The following ATP8A2 variants were observed in gnomAD, a reference collection of about 807,000 sequenced individuals.
The protein encoded by ATP8A2 is ATPase phospholipid transporting 8A2.
In ATP8A2, 100 loss-of-function variants were observed where a neutral mutation model predicts 165.6. The observed-to-expected ratio is 0.60, with a 90% CI of 0.51 to 0.71. ATP8A2 has a LOEUF of 0.71. Among genes scored for constraint, ATP8A2 ranks in the 30% least tolerant of loss-of-function variants. The probability of loss-of-function intolerance (pLI) is 0.00; values close to 1 mark genes in which losing one functional copy is unlikely to be tolerated. For synonymous variants in ATP8A2, 543 were observed against 548.8 expected, an observed-to-expected ratio of 0.99 and a Z score of 0.15; for missense variants, 1,227 against 1,479.5, an observed-to-expected ratio of 0.83 and a Z score of 2.80.
At chr13:25,534,794 A>T (rs1030061834) in intron 6 of ATP8A2, among the ~76,000 whole-genome samples, 1 of 152,216 alleles carries the variant, frequency 6.6e-6, no homozygotes, top group Non-Finnish European at 1.5e-5. Flanking sequence ...TTCAAACTTC[A>T]GTGGGCATCC....
chr13:25,722,551 C>A (rs1054292159), intron 25 of ATP8A2, among the ~76,000 whole-genome samples: 3 of 152,308 alleles, frequency 2.0e-5, no homozygotes, highest in Middle Eastern at 3.4e-3. Context: ...TTTGACACTT[C>A]TCTTTCTTGA....
intron 24 of ATP8A2, among the ~76,000 whole-genome samples, chr13:25,668,529 G>T (rs907956655): frequency 2.0e-5 from 3 of 151,948 alleles, no homozygotes; most frequent in Admixed American, 1.3e-4. Flanking sequence ...TATCCTACTT[G>T]GAGTTTGTTG....
chr13:25,806,161 A>G (rs990760211), intron 27 of ATP8A2, among the ~76,000 whole-genome samples: 3 of 152,146 alleles, frequency 2.0e-5, no homozygotes, highest in Non-Finnish European at 4.4e-5. Flanking sequence ...TCACAGGGGT[A>G]AGTTGAGGAG....
At chr13:25,402,924 T>G (rs145645884) in intron 1 of ATP8A2, among the ~76,000 whole-genome samples, 128 of 152,320 alleles carry the variant, frequency 8.4e-4, no homozygotes, top group Non-Finnish European at 1.7e-3. Context: ...ATGAGGTCCC[T>G]GTGTCTGCTT....
chr13:25,600,582 C>T (rs761430876), intron 24 of ATP8A2, among the ~76,000 whole-genome samples: 10 of 152,158 alleles, frequency 6.6e-5, no homozygotes, highest in South Asian at 2.1e-4. Flanking sequence ...GCTTTGTTCC[C>T]GGAGTCAGAG....
chr13:25,646,928 T>C (rs78645612), intron 24 of ATP8A2, among the ~76,000 whole-genome samples: 5,242 of 152,266 alleles, frequency 0.034, 156 homozygotes, highest in East Asian at 0.13. Flanking sequence ...TACTATAAGG[T>C]TCACATGGAG....
chr13:25,722,319 A>C (rs532287726), intron 25 of ATP8A2, among the ~76,000 whole-genome samples: 1 of 152,240 alleles, frequency 6.6e-6, no homozygotes, highest in African/African-American at 2.4e-5. Context: ...CTTCATCAAT[A>C]GATTGCTACC....
At chr13:25,813,382 TATATGATATG>T (rs57194469) in intron 27 of ATP8A2, among the ~76,000 whole-genome samples, 3,945 of 147,206 alleles carry the variant, frequency 0.027, 175 homozygotes, top group African/African-American at 0.086. Context: ...AGGATGATGA[TATATGATATG>T]ATATGATATG....
At chr13:25,864,365 T>A (rs1373296783) in intron 33 of ATP8A2, among the ~76,000 whole-genome samples, 1 of 152,178 alleles carries the variant, frequency 6.6e-6, no homozygotes, top group African/African-American at 2.4e-5. Context: ...ACTCCAAATG[T>A]GCGTGAATTA....
intron 1 of ATP8A2, among the ~76,000 whole-genome samples, chr13:25,450,474 T>C (rs1265873685): frequency 1.3e-5 from 2 of 152,154 alleles, no homozygotes; most frequent in African/African-American, 4.8e-5. Flanking sequence ...CTCCACAACT[T>C]CGCAAGGATC....
At chr13:25,501,638 A>G (rs773721869) in intron 2 of ATP8A2, among the ~76,000 whole-genome samples, 27 of 152,184 alleles carry the variant, frequency 1.8e-4, no homozygotes, top group Admixed American at 5.9e-4. Flanking sequence ...AAATAAGAAA[A>G]CATAGTTATT....
chr13:25,411,672 A>C (rs2077809908), intron 1 of ATP8A2, among the ~76,000 whole-genome samples: 2 of 152,202 alleles, frequency 1.3e-5, no homozygotes, highest in South Asian at 4.1e-4. Context: ...ATTTTATGTT[A>C]AAAAGTGCAT....
In ATP8A2 at chr13:25,759,630, C is replaced by T. The variant is rs141026209; in HGVS notation, c.2385-9416C>T. 1.4e-3 allele frequency among the ~76,000 whole-genome samples: 214 copies of T among 152,270 alleles called. 1 individual carries two copies. The highest frequency in any genetic ancestry group is 4.9e-3 in the African/African-American group (203 of 41,544). ...AAATTAATGCTTTTTGTGCTAAAAACATTAAGGTATTTAGATGTGTTATTC... is the reference window on the plus strand; with the variant it reads ...AAATTAATGCTTTTTGTGCTAAAAATATTAAGGTATTTAGATGTGTTATTC... On this transcript the variant is annotated intron_variant, in intron 25 of 36. Transcript: ENST00000381655.
In ATP8A2 at chr13:25,828,100, A is replaced by G. The variant is rs1464514720; in HGVS notation, c.2680-18A>G. 1.9e-6 allele frequency: 3 copies of G among 1,607,610 alleles called. No homozygotes were observed. The South Asian group carries it at 3.3e-5, about 18-fold the overall frequency. On this transcript the variant is annotated intron_variant, in intron 27 of 36. Coordinates refer to ENST00000381655, the MANE Select transcript of ATP8A2 (RefSeq NM_016529.6). Reference sequence around the variant, plus strand: ...GTCAATATTGATATAAAACTTCATGAGCTTTCTTCTCTTTCAGCTTTGGTT... The same window carrying G: ...GTCAATATTGATATAAAACTTCATGGGCTTTCTTCTCTTTCAGCTTTGGTT...
In ATP8A2 at chr13:25,700,195, A is replaced by G. The variant is rs115675196; in HGVS notation, c.2384+850A>G. On this transcript the variant is annotated intron_variant, in intron 25 of 36. Transcript: ENST00000381655. ...GGACCTGGTGCAGGGAGCAATGGCC[A>G]GAGCACCTTGAAATACACTGCTTCT... Among the ~76,000 whole-genome samples, 882 of 152,272 alleles carry G rather than the reference A, an allele frequency of 5.8e-3. 7 individuals carry two copies. Among genetic ancestry groups the G allele is most frequent in the African/African-American group, 0.02 (846 of 41,542 alleles).
intron 1 of ATP8A2, among the ~76,000 whole-genome samples, chr13:25,390,321 G>T (rs907986331): frequency 1.3e-5 from 2 of 152,174 alleles, no homozygotes; most frequent in Admixed American, 1.3e-4. Context: ...AAAAGTCAAG[G>T]TTATTAAGAT....
chr13:25,974,807 G>C (rs923187069), intron 35 of ATP8A2, among the ~76,000 whole-genome samples: 5 of 152,060 alleles, frequency 3.3e-5, no homozygotes, highest in Admixed American at 1.3e-4. Flanking sequence ...CCAGGTCTCG[G>C]CGTCTTCCCA....
intron 35 of ATP8A2, among the ~76,000 whole-genome samples, chr13:26,001,001 A>G (rs1394456419): frequency 1.3e-5 from 2 of 152,202 alleles, no homozygotes; most frequent in Non-Finnish European, 2.9e-5. Flanking sequence ...CCAAAAGGGA[A>G]CCCCATATGT....
In ATP8A2 at chr13:25,980,977, A is replaced by G. The variant is rs1956161581; in HGVS notation, c.3377+12298A>G. Among the ~76,000 whole-genome samples, 3 of 152,244 alleles carry G rather than the reference A, an allele frequency of 2.0e-5. No individual in the cohort carries two copies. In the South Asian group the frequency reaches 6.2e-4, roughly 31 times the overall value. On this transcript the variant is annotated intron_variant, in intron 35 of 36. Transcript: ENST00000381655. ...TGAATTTATGATATGTGTTCAAATT[A>G]AGACATTTATTGTTCTAAAGTCAAT...
Sources: allele counts gnomAD v4.1 joint callset (sites outside exome capture counted in the v4.1 genomes callset), GRCh38; gene constraint gnomAD v4.1.1; transcripts MANE v1.5; gene names NCBI Gene and HGNC (gene_info 2026-07-23, HGNC 2026-07-21).